Variants in MRC1 observed in about 807,000 individuals in gnomAD.
MRC1 encodes macrophage mannose receptor 1.
MRC1 carries 62 observed loss-of-function variants against 102.9 expected under a neutral mutation model. The ratio of observed to expected loss-of-function variants is 0.60; its 90% CI spans 0.49 to 0.74. MRC1 has a LOEUF of 0.74. Among genes scored for constraint, MRC1 ranks in the 30% least tolerant of loss-of-function variants. The pLI is 0.00. For synonymous variants in MRC1, 457 were observed against 298.4 expected (o/e 1.53, Z -5.48); for missense variants, 1,237 against 862.8 (o/e 1.43, Z -5.43).
At chr10:17,860,035 C>T (rs1385970024) in intron 9 of MRC1, among the ~76,000 whole-genome samples, 1 of 152,120 alleles carries the variant, frequency 6.6e-6, no homozygotes, top group Non-Finnish European at 1.5e-5. Context: ...GGTTCCAACT[C>T]CCTGCCTCAA....
chr10:17,910,631 G>C lies in MRC1; in HGVS notation c.*166G>C. The stretch of plus-strand genomic sequence containing the variant: ...AAATAATTGCTTGTTTTCTAGCCTG[G>C]CAAGATATTTTCATAAAAGAGGGAT... On this transcript the variant is annotated 3_prime_UTR_variant, in exon 30 of 30. Coordinates refer to ENST00000569591, the MANE Select transcript of MRC1 (RefSeq NM_002438.4). 1.5e-6 allele frequency: 1 copy of C among 683,720 alleles called. No homozygotes were observed. The highest frequency in any genetic ancestry group is 2.6e-6 in the Non-Finnish European group (1 of 379,418). The allele number at this position is 683,720 out of a possible 1,614,324, so 42.4% of individuals were successfully genotyped here.
chr10:17,841,165 A>G (rs1343004274), intron 5 of MRC1, among the ~76,000 whole-genome samples: 4 of 152,214 alleles, frequency 2.6e-5, no homozygotes, highest in South Asian at 4.1e-4. Flanking sequence ...CATTGTTACT[A>G]TATACTTGCT....
Position 17,863,560 on chromosome 10 carries a change from T to A in MRC1, c.1661T>A (p.Phe554Tyr). The A allele has an allele frequency of 1.3e-6, 1 of 780,900 alleles. No individual in the cohort carries two copies. The highest frequency in any genetic ancestry group is 1.3e-5 in the South Asian group (1 of 74,620). 48.4% of individuals were successfully genotyped at this position (780,900 alleles called of 1,614,324 possible). Residue 554 changes from phenylalanine to tyrosine, a missense_variant, in exon 11 of 30, where the codon TTC becomes TAC. Physicochemically the swap from Phe to Tyr is conservative, Grantham distance 22. Transcript: ENST00000569591. ...TATGAACAAGCCTTCCTGACTAGTT[T>A]CGTTGGCTTAAGGCCTGAAAAATAT... is the stretch of plus-strand genomic sequence containing the variant. The part of the protein sequence containing the change: ...DRYEQAFLTS[F>Y]VGLRPEKYFW...
At chr10:17,814,252 A>G (rs1838271365) in intron 1 of MRC1, among the ~76,000 whole-genome samples, 1 of 152,128 alleles carries the variant, frequency 6.6e-6, no homozygotes, top group Non-Finnish European at 1.5e-5. Flanking sequence ...AAGTAGATAA[A>G]TTTACTACCT....
intron 1 of MRC1, among the ~76,000 whole-genome samples, chr10:17,813,649 A>G (rs1838258700): frequency 7.6e-6 from 1 of 132,422 alleles, no homozygotes; most frequent in African/African-American, 2.8e-5. Flanking sequence ...ATAAATATAT[A>G]CATATATATA....
chr10:17,835,288 T>C (rs913072753), intron 4 of MRC1, among the ~76,000 whole-genome samples: 2 of 152,244 alleles, frequency 1.3e-5, no homozygotes, highest in African/African-American at 2.4e-5. Flanking sequence ...ATGTCCTGCT[T>C]CCTTGACAAC....
At chr10:17,844,928 G>A (rs691613) in intron 5 of MRC1, among the ~76,000 whole-genome samples, 54,210 of 151,796 alleles carry the variant, frequency 0.36, 10,461 homozygotes, top group East Asian at 0.46. Flanking sequence ...TTTTTATGGC[G>A]GCATAATCAT....
chr10:17,840,970 T>C (rs1589172445), intron 5 of MRC1, among the ~76,000 whole-genome samples, 164 bp downstream of exon 5: 1 of 152,212 alleles, frequency 6.6e-6, no homozygotes, highest in South Asian at 2.1e-4. Flanking sequence ...GATTTCCATT[T>C]ACTGAATTGT....
At chr10:17,837,978 A>ACAGAAT (rs1489935349) in intron 4 of MRC1, among the ~76,000 whole-genome samples, 1 of 152,056 alleles carries the variant, frequency 6.6e-6, no homozygotes, top group Non-Finnish European at 1.5e-5. Context: ...CTGAAGAGCT[A>ACAGAAT]CTACATACTA....
At chr10:17,848,841 G>A (rs1838868261) in intron 6 of MRC1, among the ~76,000 whole-genome samples, 2 of 152,208 alleles carry the variant, frequency 1.3e-5, no homozygotes, top group South Asian at 4.1e-4. Flanking sequence ...TCTGTTCTGA[G>A]GCAACAAGTG....
At chr10:17,881,031 G>A (rs1390543342) in intron 20 of MRC1, 36 bp from the exon 21 acceptor site, 6 of 779,642 alleles carry the variant, frequency 7.7e-6, no homozygotes, top group Admixed American at 5.1e-5. Flanking sequence ...AACCCCTGCA[G>A]TTTTTCTTTT....
intron 8 of MRC1, among the ~76,000 whole-genome samples, chr10:17,855,905 A>G (rs1488328544): frequency 6.6e-6 from 1 of 152,164 alleles, no homozygotes; most frequent in Non-Finnish European, 1.5e-5. Context: ...GCAGTGGCTC[A>G]TGCCTGTAAT....
intron 2 of MRC1, among the ~76,000 whole-genome samples, chr10:17,826,062 C>T (rs1340826255): frequency 6.6e-5 from 10 of 152,040 alleles, no homozygotes; most frequent in African/African-American, 2.4e-4. Context: ...TTAAAGAGGA[C>T]TTGATAATTA....
chr10:17,819,793 A>G (rs1195872638), intron 1 of MRC1, among the ~76,000 whole-genome samples: 2 of 152,094 alleles, frequency 1.3e-5, no homozygotes, highest in Non-Finnish European at 2.9e-5. Context: ...AAAATAAAAA[A>G]TATTAACTGG....
rs897476544 is a variant in MRC1 at position 17,907,176 on chromosome 10, T to G, written c.3913+177T>G. ...TTAAAATGAGTTTCATATCATGCTA[T>G]CCTCAAAGTTGCTAATTAAAAAATA... On this transcript the variant is annotated intron_variant, in intron 27 of 29. Coordinates refer to ENST00000569591, the MANE Select transcript of MRC1 (RefSeq NM_002438.4). Among the ~76,000 whole-genome samples, 6 of 152,372 alleles carry G rather than the reference T, an allele frequency of 3.9e-5. No homozygotes were observed. In the East Asian group the frequency reaches 1.2e-3, roughly 29 times the overall value.
intron 1 of MRC1, among the ~76,000 whole-genome samples, chr10:17,815,410 G>T (rs1440682611): frequency 1.3e-5 from 2 of 152,186 alleles, no homozygotes; most frequent in Non-Finnish European, 2.9e-5. Flanking sequence ...AAAGGGTTTT[G>T]TTTATTTATC....
intron 15 of MRC1, 37 bp from the exon 16 acceptor site, chr10:17,873,747 A>G: frequency 1.2e-6 from 1 of 869,504 alleles, no homozygotes; most frequent in Non-Finnish European, 2.0e-6. Flanking sequence ...GCAGAAGTTT[A>G]AGTACACTTT....
intron 11 of MRC1, among the ~76,000 whole-genome samples, chr10:17,864,720 T>C (rs2130665853): frequency 6.6e-6 from 1 of 151,438 alleles, no homozygotes; most frequent in East Asian, 2.0e-4. Flanking sequence ...TCCCAGCTAC[T>C]TGGGAGGCTG....
At position 17,809,500 on chromosome 10, in the gene MRC1, T is replaced by C. The variant is rs1838190372; in HGVS notation, c.35T>C (p.Val12Ala). The C allele has an allele frequency of 1.1e-6, 1 of 872,808 alleles. No homozygotes were observed. 54.1% of individuals were successfully genotyped at this position (872,808 alleles called of 1,614,324 possible). ...CCCCTGCTCCTGGTTTTTGCCTCTG[T>C]CATTCCGGGTGCTGTTCTCCTACTG... is the stretch of plus-strand genomic sequence containing the variant. ...RLPLLLVFAS[V>A]IPGAVLLLDT... The change falls in exon 1 of 30, where the codon GTC becomes GCC. Residue 12 changes from valine to alanine, a missense_variant. Physicochemically the swap from Val to Ala is moderately conservative, Grantham distance 64. Transcript: ENST00000569591.
Sources: gnomAD v4.1 joint callset for allele counts (sites outside exome capture counted in the v4.1 genomes callset) on GRCh38, gnomAD v4.1.1 for gene constraint, MANE v1.5 for transcripts, NCBI Gene and HGNC (gene_info 2026-07-23, HGNC 2026-07-21) for gene names.